HAL: variants seen among roughly 807,000 people sequenced by gnomAD.
HAL encodes histidine ammonia-lyase.
In HAL, 85 loss-of-function variants were observed where a neutral mutation model predicts 81.1. The ratio of observed to expected loss-of-function variants is 1.05; its 90% confidence interval spans 0.88 to 1.25. The LOEUF is 1.25. Among genes scored for constraint, HAL ranks in the 50% most tolerant of loss-of-function variants. The pLI is 0.00. For synonymous variants in HAL, 301 were observed against 309.2 expected, an observed-to-expected ratio of 0.97 and a Z score of 0.28; for missense variants, 798 against 836.6, an observed-to-expected ratio of 0.95 and a Z score of 0.57.
chr12:95,994,157 T>G lies in HAL; in HGVS notation c.344A>C (p.Glu115Ala). The G allele has an allele frequency of 6.2e-7, 1 of 1,610,472 alleles. No homozygotes were observed. The highest frequency in any genetic ancestry group is 1.1e-5 in the South Asian group (1 of 90,992). The part of the protein sequence containing the change: ...SKYREPEKYI[E>A]LDGDRLTTED... ...CGTGGTCAGACGGTCTCCATCTAAC[T>G]CGATGTACTACACAAAAGAAGGGGA... is the stretch of plus-strand genomic sequence containing the variant. Residue 115 changes from glutamate (E) to alanine (A), a missense_variant, in exon 5 of 21, where the codon GAG (glutamate) becomes GCG (alanine). Physicochemically the swap from Glu to Ala is moderately radical, Grantham distance 107. Coordinates refer to ENST00000261208, the MANE Select transcript of HAL (RefSeq NM_002108.4).
chr12:95,992,522 C>T (rs1949983568), intron 9 of HAL, among the ~76,000 whole-genome samples, 158 bp downstream of exon 9: 1 of 152,188 alleles, frequency 6.6e-6, no homozygotes, highest in Non-Finnish European at 1.5e-5. Context: ...CTCCTCTTCC[C>T]CCATCTAACT....
chr12:95,980,694 G>T lies in HAL; in HGVS notation c.1381C>A (p.His461Asn). The T allele has an allele frequency of 6.2e-7, 1 of 1,613,990 alleles. No individual in the cohort carries two copies. ...CTCTCACTGATTGCAGCAAGTTCAT[G>T]GATGCCAATGGCCAAGTAGTCTAGG... ...KALDYLAIGI[H>N]ELAAISERRI... The change falls in exon 17 of 21, where the codon CAT becomes AAT. Residue 461 changes from histidine to asparagine, a missense_variant. His to Asn is a moderately conservative substitution (Grantham distance 68, BLOSUM62 1). Coordinates refer to ENST00000261208, the MANE Select transcript of HAL (RefSeq NM_002108.4).
intron 20 of HAL, among the ~76,000 whole-genome samples, chr12:95,975,857 C>G (rs2080712478): frequency 6.6e-6 from 1 of 152,188 alleles, no homozygotes; most frequent in South Asian, 2.1e-4. Context: ...GTTTAAAGCA[C>G]TTCAAAAACG....
chr12:95,993,320 C>G, intron 8 of HAL, 131 bp downstream of exon 8: 1 of 754,854 alleles, frequency 1.3e-6, no homozygotes, highest in Non-Finnish European at 2.4e-6. Flanking sequence ...CTTCTCACCT[C>G]GGCACCTAGT....
chr12:95,993,971 G>A lies in HAL; in HGVS notation c.439C>T (p.Gln147Ter). The A allele has an allele frequency of 6.2e-7, 1 of 1,611,062 alleles. No homozygotes were observed. The highest frequency in any genetic ancestry group is 8.5e-7 in the Non-Finnish European group (1 of 1,177,260). ...CTATCTATGACCTCCCTGGATTTCT[G>A]CACCCTCTTCTCAGCTGTTGGGGTG... ...KLTPTAEKRVQKSREVIDSII... is the reference protein window; with the variant it reads ...KLTPTAEKRV Residue 147 changes from glutamine (Q) to a stop codon, truncating the protein, a stop_gained, in exon 6 of 21, where the codon CAG (glutamine) becomes TAG (stop). Transcript: ENST00000261208. LOFTEE classifies it high-confidence loss of function.
intron 9 of HAL, among the ~76,000 whole-genome samples, chr12:95,991,746 G>A (rs1949972942): frequency 6.6e-6 from 1 of 152,150 alleles, no homozygotes. Flanking sequence ...AAGTACAGGT[G>A]GGTTTAAGGT....
At position 95,994,795 on chromosome 12, in the gene HAL, T is replaced by A. The variant is rs761977175; in HGVS notation, c.336+3A>T. On this transcript the variant is annotated splice_donor_region_variant and intron_variant, in intron 4 of 20. Transcript: ENST00000261208. ...AAGAAAAAGAAAGTGGTTTGAAGCTTACCTTTTCAGGCTCCCGGTACTTGC... is the reference window on the plus strand; with the variant it reads ...AAGAAAAAGAAAGTGGTTTGAAGCTAACCTTTTCAGGCTCCCGGTACTTGC... The A allele has an allele frequency of 1.2e-6, 2 of 1,613,944 alleles. No individual in the cohort carries two copies. Among genetic ancestry groups the A allele is most frequent in the Non-Finnish European group, 1.7e-6 (2 of 1,179,792 alleles).
Position 95,976,445 on chromosome 12 carries a change from AG to A in HAL, c.1816del (p.Leu606CysfsTer10). 1 of 1,613,964 alleles carries A rather than the reference AG, an allele frequency of 6.2e-7. No homozygotes were observed. The highest frequency in any genetic ancestry group is 1.1e-5 in the South Asian group (1 of 91,076). On this transcript the variant is annotated frameshift_variant, in exon 20 of 21. Transcript: ENST00000261208. LOFTEE classifies it high-confidence loss of function. The stretch of plus-strand genomic sequence containing the variant: ...CCAGCTTGCCTTCTGCTCCAGGAGC[AG>A]CCTGTGGGCTGCCTCGATGTCCGGG... ...MAPDIEAAHR[L>X]LLEQKVWEVA...
Position 95,980,836 on chromosome 12 carries a change from C to T in HAL, c.1315G>A (p.Val439Ile), listed in dbSNP as rs7297245. ...PMVFANRGET[V>I]SGGNFHGEYP... ...TCACCATGGAAGTTTCCTCCAGAAA[C>T]TGTCTCTCCCCTATTGGCAAAGACC... Residue 439 changes from valine to isoleucine, a missense_variant, in exon 16 of 21, where the codon GTT (valine) becomes ATT (isoleucine). Transcript: ENST00000261208. 1,272,824 of 1,578,340 alleles carry T rather than the reference C, an allele frequency of 0.81. 516,672 individuals are homozygous for T. The highest frequency in any genetic ancestry group is 0.96 in the African/African-American group (71,616 of 74,358).
intron 18 of HAL, among the ~76,000 whole-genome samples, chr12:95,977,606 G>A (rs553644168): frequency 2.2e-4 from 29 of 130,220 alleles, no homozygotes; most frequent in Admixed American, 3.6e-4. Flanking sequence ...TTGCAACACT[G>A]CACTCCAGCC....
Position 95,990,382 on chromosome 12 carries a change from A to G in HAL, c.855+11T>C. On this transcript the variant is annotated intron_variant, in intron 10 of 20. Transcript: ENST00000261208. The stretch of plus-strand genomic sequence containing the variant: ...GCAATTGCTGCAGATAGAAGCTGCT[A>G]CGAGTCTTACGTATTTAGCATCAGC... 6.2e-7 allele frequency: 1 copy of G among 1,610,624 alleles called. No homozygotes were observed. Among genetic ancestry groups the G allele is most frequent in the Non-Finnish European group, 8.5e-7 (1 of 1,176,728 alleles).
chr12:95,995,941 G>C lies in HAL; in HGVS notation c.-31C>G. ...CGCTGCAGCCTGAGGTCCTCAGCTG[G>C]TCACAGGAGGGGAGAGCTTTATGCA... On this transcript the variant is annotated 5_prime_UTR_variant, in exon 2 of 21. Coordinates refer to ENST00000261208, the MANE Select transcript of HAL (RefSeq NM_002108.4). The C allele has an allele frequency of 6.3e-7, 1 of 1,599,402 alleles. No individual in the cohort carries two copies. Among genetic ancestry groups the C allele is most frequent in the Non-Finnish European group, 8.5e-7 (1 of 1,179,360 alleles).
At chr12:95,990,024 G>GT (rs768709311) in intron 10 of HAL, 102 of 318,392 alleles carry the variant, frequency 3.2e-4, no homozygotes, top group Non-Finnish European at 5.4e-4. Flanking sequence ...AAGCCATATA[G>GT]TAAGTGCTAT....
intron 20 of HAL, among the ~76,000 whole-genome samples, chr12:95,974,982 C>T (rs1306412895): frequency 6.6e-6 from 1 of 152,214 alleles, no homozygotes; most frequent in African/African-American, 2.4e-5. Flanking sequence ...TCAAGTGATC[C>T]ACCCACCACA....
At position 95,974,060 on chromosome 12, in the gene HAL, T is replaced by G. The variant is rs963893421; in HGVS notation, c.*172A>C. 1.4e-6 allele frequency: 1 copy of G among 709,544 alleles called. No individual in the cohort carries two copies. Among genetic ancestry groups the G allele is most frequent in the Non-Finnish European group, 2.5e-6 (1 of 392,302 alleles). The allele number at this position is 709,544 out of a possible 1,614,324, so 44.0% of individuals were successfully genotyped here. On this transcript the variant is annotated 3_prime_UTR_variant, in exon 21 of 21. Coordinates refer to ENST00000261208, the MANE Select transcript of HAL (RefSeq NM_002108.4). ...AACCACGACAACAGGAACACAGTGC[T>G]GAATTTAGCAACTATAATACTGCCA...
intron 18 of HAL, 141 bp downstream of exon 18, chr12:95,977,803 A>G: frequency 1.2e-6 from 1 of 840,078 alleles, no homozygotes; most frequent in Non-Finnish European, 2.0e-6. Context: ...TGAATTAGCC[A>G]GCCTGCAAGG....
chr12:95,987,062 C>A lies in HAL; in HGVS notation c.1051+5G>T. ...ATAACAACCAAAAGGAAGAACCCTG[C>A]TGACCAGTGTCAAAGGCTTTGGTGG... On this transcript the variant is annotated splice_donor_5th_base_variant and intron_variant, in intron 12 of 20. Transcript: ENST00000261208. 1 of 1,611,212 alleles carries A rather than the reference C, an allele frequency of 6.2e-7. No homozygotes were observed. The highest frequency in any genetic ancestry group is 8.5e-7 in the Non-Finnish European group (1 of 1,177,758).
chr12:95,979,652 G>A (rs146058446), intron 17 of HAL, among the ~76,000 whole-genome samples: 172 of 152,294 alleles, frequency 1.1e-3, no homozygotes, highest in African/African-American at 3.9e-3. Flanking sequence ...AATAATTTTT[G>A]TAGTACAAGT....
Position 95,974,174 on chromosome 12 carries a change from A to C in HAL, c.*58T>G, listed in dbSNP as rs1404981485. 2.4e-5 allele frequency: 35 copies of C among 1,456,802 alleles called. No individual in the cohort carries two copies. Among genetic ancestry groups the C allele is most frequent in the Non-Finnish European group, 3.3e-5 (34 of 1,036,512 alleles). 90.2% of individuals were successfully genotyped at this position (1,456,802 alleles called of 1,614,324 possible). A position where few individuals can be genotyped will look rare whatever the true frequency, so the allele number is the denominator to read the frequency against. ...AGTTCTCAGGTCTCTCCTTCAGCCT[A>C]GTATTGCTTTGTGCTAAACTGACTG... On this transcript the variant is annotated 3_prime_UTR_variant, in exon 21 of 21. Transcript: ENST00000261208.
Sources: gnomAD v4.1 joint callset for allele counts (sites outside exome capture counted in the v4.1 genomes callset) on GRCh38, gnomAD v4.1.1 for gene constraint, MANE v1.5 for transcripts, NCBI Gene and HGNC (gene_info 2026-07-23, HGNC 2026-07-21) for gene names.